The following FAM43A variants were observed in gnomAD, a reference collection of about 807,000 sequenced individuals.
FAM43A encodes the protein family with sequence similarity 43 member A, also known as protein FAM43A.
Under a neutral mutation model 15.7 loss-of-function variants are expected in FAM43A, and 11 were observed. That is an observed-to-expected ratio of 0.70 (90% CI 0.44 to 1.16). The LOEUF (loss-of-function observed/expected upper bound fraction) is 1.16. Ranked by LOEUF, FAM43A falls within the 50% of genes most tolerant of loss-of-function variation. The probability of loss-of-function intolerance (pLI) is 0.00; values close to 1 mark genes in which losing one functional copy is unlikely to be tolerated. For synonymous variants in FAM43A, 319 were observed against 291.7 expected, an observed-to-expected ratio of 1.09 and a Z score of -0.96; for missense variants, 573 against 620.0, an observed-to-expected ratio of 0.92 and a Z score of 0.80.
Position 194,686,868 on chromosome 3 carries a change from G to A in FAM43A, c.42G>A (p.Glu14=), listed in dbSNP as rs1457427917. ...AGCACAAGTTCGAGCTGCTGGCCGA[G>A]GCGCCGCCGCGGCAGGCGTCCAAGC... ...WKKHKFELLA[E]APPRQASKPK... The change falls in exon 1 of 1, where the codon GAG becomes GAA. Residue 14 remains glutamate (E), a synonymous_variant. Coordinates refer to ENST00000329759, the MANE Select transcript of FAM43A (RefSeq NM_153690.5). The A allele has an allele frequency of 2.5e-6, 4 of 1,599,216 alleles. No individual in the cohort carries two copies. The highest frequency in any genetic ancestry group is 2.7e-5 in the African/African-American group (2 of 73,336).
rs1553848258 is a variant in FAM43A at position 194,687,847 on chromosome 3, C to G, written c.1021C>G (p.Leu341Val). The change falls in exon 1 of 1, where the codon CTG becomes GTG. Residue 341 changes from leucine (L) to valine (V), a missense_variant. Physicochemically the swap from Leu to Val is conservative, Grantham distance 32. Coordinates refer to ENST00000329759, the MANE Select transcript of FAM43A (RefSeq NM_153690.5). ...GGGCCCGGGGGCCGGGCCGCCGCCT[C>G]TGCTGCTGGGCAGCGCCTCCGACAT... ...SLGPGAGPPP[L>V]LLGSASDMKA... 6.9e-7 allele frequency: 1 copy of G among 1,453,976 alleles called. No individual in the cohort carries two copies. Among genetic ancestry groups the G allele is most frequent in the Non-Finnish European group, 9.1e-7 (1 of 1,101,718 alleles). 90.1% of individuals were successfully genotyped at this position (1,453,976 alleles called of 1,614,324 possible).
rs763427241 is a variant in FAM43A at position 194,686,783 on chromosome 3, TCCGCCG to T, written c.-32_-27del. On this transcript the variant is annotated 5_prime_UTR_variant, in exon 1 of 1. Coordinates refer to ENST00000329759, the MANE Select transcript of FAM43A (RefSeq NM_153690.5). ...GCTCAGCGGGCCTCGCACCCGGCGC[TCCGCCG>T]CCGCCGCCGCCCAGCTGCGCCGGGG... The T allele has an allele frequency of 6.5e-6, 9 of 1,382,256 alleles. No homozygotes were observed. Among genetic ancestry groups the T allele is most frequent in the East Asian group, 6.0e-5 (2 of 33,598 alleles). The allele number at this position is 1,382,256 out of a possible 1,614,324, so 85.6% of individuals were successfully genotyped here.
Position 194,688,066 on chromosome 3 carries a change from G to A in FAM43A, c.1240G>A (p.Gly414Ser). 1 of 1,407,104 alleles carries A rather than the reference G, an allele frequency of 7.1e-7. No individual in the cohort carries two copies. Among genetic ancestry groups the A allele is most frequent in the Non-Finnish European group, 9.3e-7 (1 of 1,079,892 alleles). 87.2% of individuals were successfully genotyped at this position (1,407,104 alleles called of 1,614,324 possible). A position where few individuals can be genotyped will look rare whatever the true frequency, so the allele number is the denominator to read the frequency against. Residue 414 changes from glycine to serine, a missense_variant, in exon 1 of 1, where the codon GGC becomes AGC. Gly to Ser is a moderately conservative substitution (Grantham distance 56). Transcript: ENST00000329759. ...TAGDSSRQAD[G>S]ASADEPHSG The stretch of plus-strand genomic sequence containing the variant: ...CGGGGACTCGTCCCGCCAGGCCGAC[G>A]GCGCCAGTGCAGACGAGCCCCACTC...
chr3:194,687,728 C>T lies in FAM43A; in HGVS notation c.902C>T (p.Ala301Val), dbSNP rs902086496. 1 of 1,556,744 alleles carries T rather than the reference C, an allele frequency of 6.4e-7. No individual in the cohort carries two copies. The highest frequency in any genetic ancestry group is 1.9e-5 in the Admixed American group (1 of 51,600). The part of the protein sequence containing the change: ...PAEEEAEAQR[A>V]LVVAMHFECG... ...GAGGAGGAGGCCGAGGCGCAGCGTG[C>T]GCTAGTGGTCGCCATGCACTTTGAG... is the stretch of plus-strand genomic sequence containing the variant. The change falls in exon 1 of 1, where the codon GCG becomes GTG. Residue 301 changes from alanine (A) to valine (V), a missense_variant. Ala to Val is a moderately conservative substitution (Grantham distance 64, BLOSUM62 0). Coordinates refer to ENST00000329759, the MANE Select transcript of FAM43A (RefSeq NM_153690.5).
chr3:194,685,912 G>A lies in FAM43A; in HGVS notation c.-915G>A, dbSNP rs533350644. Among the ~76,000 whole-genome samples, 5 of 152,340 alleles carry A rather than the reference G, an allele frequency of 3.3e-5. No individual in the cohort carries two copies. Among genetic ancestry groups the A allele is most frequent in the African/African-American group, 9.6e-5 (4 of 41,576 alleles). ...ATGTGAGGCAGGCGAGCCGGACGCC[G>A]CTCGCAGCACCGGAGAGGGCGCACT... On this transcript the variant is annotated 5_prime_UTR_variant, in exon 1 of 1. Transcript: ENST00000329759.
rs1249505306 is a variant in FAM43A, at chr3:194,687,354, C to G, written c.528C>G (p.Ser176=). 3.2e-6 allele frequency: 5 copies of G among 1,541,342 alleles called. No individual in the cohort carries two copies. The highest frequency in any genetic ancestry group is 2.4e-5 in the East Asian group (1 of 41,074). ...VMLRCHAVLV[S]KPEKAQAMAL... ...TGCGCTGCCACGCCGTGCTGGTGTCCAAGCCCGAAAAGGCGCAGGCCATGG... is the reference window on the plus strand; with the variant it reads ...TGCGCTGCCACGCCGTGCTGGTGTCGAAGCCCGAAAAGGCGCAGGCCATGG... Residue 176 remains serine, a synonymous_variant, in exon 1 of 1, where the codon TCC becomes TCG. Coordinates refer to ENST00000329759, the MANE Select transcript of FAM43A (RefSeq NM_153690.5).
In FAM43A at chr3:194,687,369, G is replaced by T. The variant is rs1484181513; in HGVS notation, c.543G>T (p.Ala181=). 27 of 1,539,638 alleles carry T rather than the reference G, an allele frequency of 1.8e-5. No homozygotes were observed. In the East Asian group the frequency reaches 6.6e-4, roughly 38 times the overall value. The change falls in exon 1 of 1, where the codon GCG becomes GCT. Residue 181 remains alanine (A), a synonymous_variant. Transcript: ENST00000329759. ...TGCTGGTGTCCAAGCCCGAAAAGGC[G>T]CAGGCCATGGCCCTGCTGCTCTACC... is the stretch of plus-strand genomic sequence containing the variant. ...HAVLVSKPEK[A]QAMALLLYQT...
rs1719433880 is a variant in FAM43A, at chr3:194,687,015, C to T, written c.189C>T (p.Ile63=). ...MFRSKRKKLH[I]TSEDPTYTVL... ...GCTCCAAGCGCAAGAAGCTGCACAT[C>T]ACTAGCGAGGACCCAACTTACACCG... Residue 63 remains isoleucine (I), a synonymous_variant, in exon 1 of 1, where the codon ATC becomes ATT. Coordinates refer to ENST00000329759, the MANE Select transcript of FAM43A (RefSeq NM_153690.5). 2.5e-6 allele frequency: 4 copies of T among 1,610,056 alleles called. No individual in the cohort carries two copies. Among genetic ancestry groups the T allele is most frequent in the Non-Finnish European group, 3.4e-6 (4 of 1,177,096 alleles).
Position 194,685,903 on chromosome 3 carries a change from C to G in FAM43A, c.-924C>G, listed in dbSNP as rs1323917819. Among the ~76,000 whole-genome samples, 2 of 152,228 alleles carry G rather than the reference C, an allele frequency of 1.3e-5. No homozygotes were observed. The highest frequency in any genetic ancestry group is 4.8e-5 in the African/African-American group (2 of 41,450). On this transcript the variant is annotated 5_prime_UTR_variant, in exon 1 of 1. Transcript: ENST00000329759. ...ACGGCAAGGATGTGAGGCAGGCGAG[C>G]CGGACGCCGCTCGCAGCACCGGAGA...
chr3:194,687,978 C>T lies in FAM43A; in HGVS notation c.1152C>T (p.Gly384=). ...TGCGGGTGACGCGCCTGCTGTCAGG[C>T]GACAGCACGGGCAGCGAGAGCTCCA... ...ADLRVTRLLS[G]DSTGSESSIE... The change falls in exon 1 of 1, where the codon GGC becomes GGT. Residue 384 remains glycine (G), a synonymous_variant. Coordinates refer to ENST00000329759, the MANE Select transcript of FAM43A (RefSeq NM_153690.5). 7.0e-7 allele frequency: 1 copy of T among 1,426,518 alleles called. No individual in the cohort carries two copies. Among genetic ancestry groups the T allele is most frequent in the Non-Finnish European group, 9.2e-7 (1 of 1,089,744 alleles). 88.4% of individuals were successfully genotyped at this position (1,426,518 alleles called of 1,614,324 possible).
Position 194,687,446 on chromosome 3 carries a change from A to G in FAM43A, c.620A>G (p.Asp207Gly). The G allele has an allele frequency of 1.3e-6, 2 of 1,534,784 alleles. No homozygotes were observed. Among genetic ancestry groups the G allele is most frequent in the Non-Finnish European group, 1.8e-6 (2 of 1,137,774 alleles). Reference sequence around the variant, plus strand: ...TTTAAACGCCTCAAGCGGCGGGACGACGCGCGTCACCAGCAGCAGGAGCTG... The same window carrying G: ...TTTAAACGCCTCAAGCGGCGGGACGGCGCGCGTCACCAGCAGCAGGAGCTG... ...AEFKRLKRRD[D>G]ARHQQQELVG... is the part of the protein sequence containing the mutation. The change falls in exon 1 of 1, where the codon GAC becomes GGC. Residue 207 changes from aspartate (D) to glycine (G), a missense_variant. Coordinates refer to ENST00000329759, the MANE Select transcript of FAM43A (RefSeq NM_153690.5).
chr3:194,686,996 A>G lies in FAM43A; in HGVS notation c.170A>G (p.Lys57Arg). The G allele has an allele frequency of 6.2e-7, 1 of 1,610,328 alleles. No individual in the cohort carries two copies. Among genetic ancestry groups the G allele is most frequent in the Non-Finnish European group, 8.5e-7 (1 of 1,177,416 alleles). Residue 57 changes from lysine to arginine, a missense_variant, in exon 1 of 1, where the codon AAG (lysine) becomes AGG (arginine). Coordinates refer to ENST00000329759, the MANE Select transcript of FAM43A (RefSeq NM_153690.5). ...CGGGTGGGCAGCATGTTCCGCTCCA[A>G]GCGCAAGAAGCTGCACATCACTAGC... Reference protein sequence around the residue: ...LSRVGSMFRSKRKKLHITSED... With the variant: ...LSRVGSMFRSRRKKLHITSED...
Position 194,686,714 on chromosome 3 carries a change from T to G in FAM43A, c.-113T>G. On this transcript the variant is annotated 5_prime_UTR_variant, in exon 1 of 1. Coordinates refer to ENST00000329759, the MANE Select transcript of FAM43A (RefSeq NM_153690.5). ...TACCACAGGGCCGCTCCCAGTAGTTTTATTCTTCGATCTTGCCCGGGCCGA... is the reference window on the plus strand; with the variant it reads ...TACCACAGGGCCGCTCCCAGTAGTTGTATTCTTCGATCTTGCCCGGGCCGA... 1 of 1,146,396 alleles carries G rather than the reference T, an allele frequency of 8.7e-7. No homozygotes were observed. The highest frequency in any genetic ancestry group is 1.1e-6 in the Non-Finnish European group (1 of 893,636). The allele number at this position is 1,146,396 out of a possible 1,614,324, so 71.0% of individuals were successfully genotyped here. A position where few individuals can be genotyped will look rare whatever the true frequency, so the allele number is the denominator to read the frequency against.
Position 194,687,670 on chromosome 3 carries a change from G to A in FAM43A, c.844G>A (p.Glu282Lys), listed in dbSNP as rs141402398. The A allele has an allele frequency of 1.3e-6, 2 of 1,563,628 alleles. No homozygotes were observed. Among genetic ancestry groups the A allele is most frequent in the Non-Finnish European group, 1.7e-6 (2 of 1,153,436 alleles). ...GCAACCCGAGGGCTGCCCGGAGGAG[G>A]AGGAGAACCGTGCGGCAGAGGGAGA... ...EEQPEGCPEE[E>K]ENRAAEGDPA... is the part of the protein sequence containing the mutation. Residue 282 changes from glutamate (E) to lysine (K), a missense_variant, in exon 1 of 1, where the codon GAG (glutamate) becomes AAG (lysine). By Grantham distance (56) the Glu-to-Lys change is moderately conservative. Transcript: ENST00000329759.
Position 194,687,922 on chromosome 3 carries a change from G to A in FAM43A, c.1096G>A (p.Gly366Ser). ...LISDLGELSF[G>S]NDVRTLQADL... is the part of the protein sequence containing the mutation. Reference sequence around the variant, plus strand: ...TAGCGACCTGGGCGAGCTCAGCTTCGGCAACGACGTGCGCACCCTGCAGGC... The same window carrying A: ...TAGCGACCTGGGCGAGCTCAGCTTCAGCAACGACGTGCGCACCCTGCAGGC... Residue 366 changes from glycine (G) to serine (S), a missense_variant, in exon 1 of 1, where the codon GGC becomes AGC. Physicochemically the swap from Gly to Ser is moderately conservative, Grantham distance 56. Transcript: ENST00000329759. 3 of 1,457,212 alleles carry A rather than the reference G, an allele frequency of 2.1e-6. No homozygotes were observed. Among genetic ancestry groups the A allele is most frequent in the South Asian group, 1.5e-5 (1 of 65,228 alleles). The allele number at this position is 1,457,212 out of a possible 1,614,324, so 90.3% of individuals were successfully genotyped here. A position where few individuals can be genotyped will look rare whatever the true frequency, so the allele number is the denominator to read the frequency against.
At position 194,686,835 on chromosome 3, in the gene FAM43A, G is replaced by C; in HGVS notation, c.9G>C (p.Pro3=). The C allele has an allele frequency of 6.3e-7, 1 of 1,575,696 alleles. No individual in the cohort carries two copies. Among genetic ancestry groups the C allele is most frequent in the Non-Finnish European group, 8.6e-7 (1 of 1,169,294 alleles). ML[P]WKKHKFELLA... is the part of the protein sequence containing the mutation. ...CGGGGCGCCCTCCGGAGATGCTGCC[G>C]TGGAAGAAGCACAAGTTCGAGCTGC... The change falls in exon 1 of 1, where the codon CCG becomes CCC. Residue 3 remains proline (P), a synonymous_variant. Coordinates refer to ENST00000329759, the MANE Select transcript of FAM43A (RefSeq NM_153690.5).
In FAM43A at chr3:194,686,312, TC is replaced by T. The variant is rs34986860; in HGVS notation, c.-513del. 7.9e-5 allele frequency among the ~76,000 whole-genome samples: 12 copies of T among 152,270 alleles called. No homozygotes were observed. Among genetic ancestry groups the T allele is most frequent in the African/African-American group, 2.6e-4 (11 of 41,580 alleles). On this transcript the variant is annotated 5_prime_UTR_variant, in exon 1 of 1. Coordinates refer to ENST00000329759, the MANE Select transcript of FAM43A (RefSeq NM_153690.5). Reference sequence around the variant, plus strand: ...CCCTAGGCACACTCGCTGTAGAGTTTCCGCGGGTTTTGGCCCCAGTCCTGAG... The same window carrying T: ...CCCTAGGCACACTCGCTGTAGAGTTTCGCGGGTTTTGGCCCCAGTCCTGAG...
Position 194,686,425 on chromosome 3 carries a change from CTCTT to C in FAM43A, c.-400_-397del, listed in dbSNP as rs1361279551. ...CATCCCGGGTGCTGTTGCTGGGGCT[CTCTT>C]TATTTGCACGCGCGCTTCTAGCTTT... On this transcript the variant is annotated 5_prime_UTR_variant, in exon 1 of 1. Coordinates refer to ENST00000329759, the MANE Select transcript of FAM43A (RefSeq NM_153690.5). 6.0e-6 allele frequency: 1 copy of C among 165,982 alleles called. No individual in the cohort carries two copies. The highest frequency in any genetic ancestry group is 1.3e-5 in the Non-Finnish European group (1 of 78,010). The allele number at this position is 165,982 out of a possible 1,614,324, so 10.3% of individuals were successfully genotyped here. A position where few individuals can be genotyped will look rare whatever the true frequency, so the allele number is the denominator to read the frequency against.
At position 194,687,887 on chromosome 3, in the gene FAM43A, C is replaced by A; in HGVS notation, c.1061C>A (p.Ser354Ter). 1 of 1,470,244 alleles carries A rather than the reference C, an allele frequency of 6.8e-7. No homozygotes were observed. The highest frequency in any genetic ancestry group is 9.0e-7 in the Non-Finnish European group (1 of 1,110,904). The allele number at this position is 1,470,244 out of a possible 1,614,324, so 91.1% of individuals were successfully genotyped here. A position where few individuals can be genotyped will look rare whatever the true frequency, so the allele number is the denominator to read the frequency against. The change falls in exon 1 of 1, where the codon TCG (serine) becomes TAG (stop). Residue 354 changes from serine (S) to a stop codon, truncating the protein, a stop_gained. Transcript: ENST00000329759. LOFTEE classifies it high-confidence loss of function. Reference protein sequence around the residue: ...GSASDMKAELSQLISDLGELS... With the variant: ...GSASDMKAEL ...GCCTCCGACATGAAGGCTGAGCTGTCGCAACTTATTAGCGACCTGGGCGAG... is the reference window on the plus strand; with the variant it reads ...GCCTCCGACATGAAGGCTGAGCTGTAGCAACTTATTAGCGACCTGGGCGAG...
Sources: allele counts gnomAD v4.1 joint callset (sites outside exome capture counted in the v4.1 genomes callset), GRCh38; gene constraint gnomAD v4.1.1; transcripts MANE v1.5; gene names NCBI Gene and HGNC (gene_info 2026-07-23, HGNC 2026-07-21).